ABCA13: variants seen among roughly 807,000 people sequenced by gnomAD.
ABCA13 encodes the protein ATP binding cassette subfamily A member 13.
ABCA13 carries 476 observed loss-of-function variants against 478.7 expected under a neutral mutation model. The ratio of observed to expected loss-of-function variants is 0.99; its 90% CI spans 0.92 to 1.07. The LOEUF (loss-of-function observed/expected upper bound fraction) is 1.07. Ranked by LOEUF, ABCA13 falls within the 50% of genes least tolerant of loss-of-function variation. The probability of loss-of-function intolerance (pLI) is 0.00; values close to 1 mark genes in which losing one functional copy is unlikely to be tolerated. For missense variants in ABCA13, 6,060 were observed against 5,910.6 expected (o/e 1.03, Z -0.83); for synonymous variants, 2,252 against 2,158.9 (o/e 1.04, Z -1.20).
At chr7:48,306,050 T>G (rs903152297) in intron 23 of ABCA13, among the ~76,000 whole-genome samples, 3 of 152,170 alleles carry the variant, frequency 2.0e-5, no homozygotes, top group Admixed American at 6.5e-5. Context: ...CTTCCTCCCC[T>G]CCTACCTACT....
intron 55 of ABCA13, among the ~76,000 whole-genome samples, chr7:48,560,762 G>A (rs547735664): frequency 6.6e-6 from 1 of 152,292 alleles, no homozygotes; most frequent in Admixed American, 6.5e-5. Flanking sequence ...GTTATTAGCT[G>A]TATTTAGCAT....
At chr7:48,307,620 C>A (rs1375026597) in intron 23 of ABCA13, among the ~76,000 whole-genome samples, 2 of 152,108 alleles carry the variant, frequency 1.3e-5, no homozygotes, top group Non-Finnish European at 2.9e-5. Flanking sequence ...AAAAAAATTT[C>A]TTTCTTCAAT....
At chr7:48,190,067 CA>C in intron 1 of ABCA13, among the ~76,000 whole-genome samples, 1 of 152,200 alleles carries the variant, frequency 6.6e-6, no homozygotes, top group South Asian at 2.1e-4. Context: ...ATCAGCTTGA[CA>C]AAAAATTAAG....
chr7:48,357,803 A>G (rs1810166001), intron 31 of ABCA13, among the ~76,000 whole-genome samples: 2 of 151,874 alleles, frequency 1.3e-5, no homozygotes, highest in Non-Finnish European at 2.9e-5. Flanking sequence ...TTTGTGCAGG[A>G]TGCTTGGTCA....
chr7:48,462,212 A>G (rs1826324062), intron 43 of ABCA13, among the ~76,000 whole-genome samples: 1 of 144,098 alleles, frequency 6.9e-6, no homozygotes, highest in Non-Finnish European at 1.5e-5. Flanking sequence ...TCTGGCAGGT[A>G]TTACGGTATT....
chr7:48,518,332 A>G (rs748594959), intron 52 of ABCA13, among the ~76,000 whole-genome samples: 3 of 152,200 alleles, frequency 2.0e-5, no homozygotes, highest in Non-Finnish European at 4.4e-5. Context: ...TTGGTGAGGA[A>G]CTTGAAAGCA....
At chr7:48,432,334 G>C (rs773378466) in intron 42 of ABCA13, among the ~76,000 whole-genome samples, 4 of 152,082 alleles carry the variant, frequency 2.6e-5, no homozygotes, top group Non-Finnish European at 5.9e-5. Context: ...ATGCTGGTGA[G>C]GTTGTCAAGA....
chr7:48,342,233 C>T (rs1288969401), intron 29 of ABCA13, among the ~76,000 whole-genome samples: 1 of 152,122 alleles, frequency 6.6e-6, no homozygotes, highest in Non-Finnish European at 1.5e-5. Flanking sequence ...TATGGAGACT[C>T]ACTCAATCCT....
chr7:48,480,440 G>A (rs79819341), intron 45 of ABCA13, among the ~76,000 whole-genome samples: 5,808 of 151,648 alleles, frequency 0.038, 151 homozygotes, highest in Middle Eastern at 0.061. Context: ...AAGTGTTTGA[G>A]AAATGGAAAC....
chr7:48,257,905 G>A (rs182454771), intron 15 of ABCA13, among the ~76,000 whole-genome samples: 10 of 152,080 alleles, frequency 6.6e-5, no homozygotes, highest in Non-Finnish European at 1.3e-4. Flanking sequence ...TATACATTTG[G>A]TAGAATTCAC....
intron 58 of ABCA13, among the ~76,000 whole-genome samples, chr7:48,613,798 G>A (rs1311557211): frequency 1.3e-5 from 2 of 148,400 alleles, no homozygotes; most frequent in African/African-American, 4.9e-5. Flanking sequence ...TTTCTCATGG[G>A]AGTGATAAAT....
intron 31 of ABCA13, among the ~76,000 whole-genome samples, chr7:48,355,023 AAATCAGTAAAGAAAATAGGTG>A (rs903107153): frequency 3.3e-5 from 5 of 151,808 alleles, no homozygotes; most frequent in East Asian, 3.9e-4. Flanking sequence ...GAAAATAAGT[AAATCAGTAAAGAAAATAGGTG>A]AATCAGTAAA....
At chr7:48,374,509 A>C in intron 34 of ABCA13, 93 bp downstream of exon 34, 4 of 1,157,972 alleles carry the variant, frequency 3.5e-6, no homozygotes, top group Non-Finnish European at 5.0e-6. Flanking sequence ...GGAAGTCTTC[A>C]TTATCAAGTA....
intron 10 of ABCA13, among the ~76,000 whole-genome samples, chr7:48,243,568 T>C (rs898995196): frequency 6.6e-6 from 1 of 152,218 alleles, no homozygotes; most frequent in Non-Finnish European, 1.5e-5. Context: ...TTCCTGCTGG[T>C]GTCTTGTAGG....
At position 48,249,233 on chromosome 7, in the gene ABCA13, AAC is replaced by A; in HGVS notation, c.1891_1892del (p.Gln631IlefsTer41). The A allele has an allele frequency of 6.2e-7, 1 of 1,612,114 alleles. No individual in the cohort carries two copies. The highest frequency in any genetic ancestry group is 8.5e-7 in the Non-Finnish European group (1 of 1,178,990). On this transcript the variant is annotated frameshift_variant, in exon 15 of 62. Transcript: ENST00000435803. LOFTEE classifies it high-confidence loss of function. Reference protein sequence around the residue: ...STVIFHTLEKTQFFLEQAYYW... With the variant: ...STVIFHTLEKXQFFLEQAYYW... ...GCAGGATATTTCATACACTTGAAAA[AAC>A]ACAATTTTTCCTGGAACAAGCATAT...
At chr7:48,435,964 T>C (rs1047762988) in intron 42 of ABCA13, among the ~76,000 whole-genome samples, 2 of 147,618 alleles carry the variant, frequency 1.4e-5, no homozygotes, top group Admixed American at 1.4e-4. Context: ...GAATATTAGT[T>C]GGTAAGGTTT....
At chr7:48,462,514 TG>T (rs1426778143) in intron 43 of ABCA13, among the ~76,000 whole-genome samples, 4 of 151,836 alleles carry the variant, frequency 2.6e-5, no homozygotes, top group Non-Finnish European at 5.9e-5. Context: ...GTAATTTTTT[TG>T]GGGGGTGGGG....
In ABCA13 at chr7:48,229,938, A is replaced by G; in HGVS notation, c.746A>G (p.His249Arg). ...TISTLTFLQQ[H>R]GVAVTEPVYH... ...TCGACACTGACATTTCTGCAGCAAC[A>G]TGGAGTAGCAGTCACCGGTATGGGT... The change falls in exon 7 of 62, where the codon CAT (histidine) becomes CGT (arginine). Residue 249 changes from histidine to arginine, a missense_variant. Coordinates refer to ENST00000435803, the MANE Select transcript of ABCA13 (RefSeq NM_152701.5). The G allele has an allele frequency of 6.2e-7, 1 of 1,613,966 alleles. No individual in the cohort carries two copies. The highest frequency in any genetic ancestry group is 8.5e-7 in the Non-Finnish European group (1 of 1,179,844).
At chr7:48,201,919 G>GGAGTTTCTTCCTTCC in intron 3 of ABCA13, among the ~76,000 whole-genome samples, 2 of 152,148 alleles carry the variant, frequency 1.3e-5, no homozygotes, top group Middle Eastern at 3.4e-3. Context: ...CTTCTGGTGG[G>GGAGTTTCTTCCTTCC]TTCGTGGTCT....
Sources: allele counts gnomAD v4.1 joint callset (sites outside exome capture counted in the v4.1 genomes callset), GRCh38; gene constraint gnomAD v4.1.1; transcripts MANE v1.5; gene names NCBI Gene and HGNC (gene_info 2026-07-23, HGNC 2026-07-21).